THSD7B: variants seen among roughly 807,000 people sequenced by gnomAD.
The protein encoded by THSD7B is thrombospondin type-1 domain-containing protein 7B.
A neutral mutation model predicts 213.6 loss-of-function variants in THSD7B; 138 were observed. The ratio of observed to expected loss-of-function variants is 0.65; its 90% confidence interval spans 0.56 to 0.74. The LOEUF (loss-of-function observed/expected upper bound fraction) is 0.74, where lower values mean the gene tolerates loss of function less well. THSD7B is among the 30% of genes least tolerant of loss of function. THSD7B has a pLI of 0.00. For missense variants in THSD7B, 1,931 were observed against 1,991.5 expected (o/e 0.97, Z 0.58); for synonymous variants, 742 against 687.0 (o/e 1.08, Z -1.25).
chr2:137,035,031 G>A (rs1686750182), intron 2 of THSD7B, among the ~76,000 whole-genome samples: 2 of 152,168 alleles, frequency 1.3e-5, no homozygotes, highest in African/African-American at 4.8e-5. Flanking sequence ...TTCCACAATG[G>A]TTCTTTCTTA....
At chr2:137,526,051 C>G (rs1680271795) in intron 15 of THSD7B, among the ~76,000 whole-genome samples, 1 of 152,064 alleles carries the variant, frequency 6.6e-6, no homozygotes, top group African/African-American at 2.4e-5. Flanking sequence ...AGGCTGACAG[C>G]CACTTGGTTT....
chr2:137,526,907 C>T (rs1680291131), intron 15 of THSD7B, among the ~76,000 whole-genome samples: 1 of 152,052 alleles, frequency 6.6e-6, no homozygotes. Flanking sequence ...CTCAAGAGAA[C>T]ATAAAATATC....
intron 2 of THSD7B, among the ~76,000 whole-genome samples, chr2:136,915,220 T>G (rs2105027968): frequency 6.6e-6 from 1 of 152,308 alleles, no homozygotes; most frequent in Admixed American, 6.5e-5. Flanking sequence ...ACATTTGCTC[T>G]GAAATGAGTT....
intron 2 of THSD7B, among the ~76,000 whole-genome samples, chr2:136,894,613 G>A (rs1268034098): frequency 6.6e-6 from 1 of 152,130 alleles, no homozygotes; most frequent in Admixed American, 6.5e-5. Context: ...TATAAAGCAT[G>A]TAACTAATGC....
intron 7 of THSD7B, among the ~76,000 whole-genome samples, chr2:137,196,165 G>C (rs1422934652): frequency 2.0e-5 from 3 of 152,114 alleles, no homozygotes; most frequent in African/African-American, 7.2e-5. Flanking sequence ...AAATCAAAGA[G>C]AGACTTCTAA....
In THSD7B at chr2:137,056,724, G is replaced by T. The variant is rs753908818; in HGVS notation, c.444G>T (p.Lys148Asn). 6.2e-7 allele frequency: 1 copy of T among 1,613,984 alleles called. No individual in the cohort carries two copies. Among genetic ancestry groups the T allele is most frequent in the Non-Finnish European group, 8.5e-7 (1 of 1,179,886 alleles). Residue 148 changes from lysine (K) to asparagine (N), a missense_variant, in exon 3 of 28, where the codon AAG (lysine) becomes AAT (asparagine). By Grantham distance (94) the Lys-to-Asn change is moderately conservative. Transcript: ENST00000409968. ...ACCGGATGGTGCGCTGCATTCAGAA[G>T]CTGAACCGAACTGTGGTTGCAAATG... ...LQHRMVRCIQ[K>N]LNRTVVANEI...
chr2:137,275,780 G>C, intron 11 of THSD7B, 143 bp from the exon 12 acceptor site: 1 of 589,266 alleles, frequency 1.7e-6, no homozygotes, highest in South Asian at 2.4e-5. Context: ...TGCTTGCCAA[G>C]GCTTGGTTTT....
At chr2:137,404,869 G>T in intron 12 of THSD7B, among the ~76,000 whole-genome samples, 1 of 151,912 alleles carries the variant, frequency 6.6e-6, no homozygotes, top group Middle Eastern at 3.4e-3. Flanking sequence ...CAGTGGGAGG[G>T]GGGTGAGGGA....
chr2:136,896,638 T>C (rs950167819), intron 2 of THSD7B, among the ~76,000 whole-genome samples: 1 of 152,126 alleles, frequency 6.6e-6, no homozygotes, highest in Admixed American at 6.6e-5. Flanking sequence ...AGTCTCAAGA[T>C]TTTCTCCTAT....
rs116484264 is a variant in THSD7B, at chr2:137,294,615, G to A, written c.2500+18589G>A. Reference sequence around the variant, plus strand: ...AAAAAAAAAAAAAAAGAAAGGGAGAGAGACCACATTCATATAATTTTATTA... The same window carrying A: ...AAAAAAAAAAAAAAAGAAAGGGAGAAAGACCACATTCATATAATTTTATTA... On this transcript the variant is annotated intron_variant, in intron 12 of 27. Coordinates refer to ENST00000409968, the MANE Select transcript of THSD7B (RefSeq NM_001316349.2). Among the ~76,000 whole-genome samples, 1,105 of 144,256 alleles carry A rather than the reference G, an allele frequency of 7.7e-3. 18 individuals carry two copies. The highest frequency in any genetic ancestry group is 0.029 in the African/African-American group (1,064 of 36,854). The allele number at this position is 144,256 out of a possible 152,430, so 94.6% of individuals were successfully genotyped here. A position where few individuals can be genotyped will look rare whatever the true frequency, so the allele number is the denominator to read the frequency against.
Position 137,182,702 on chromosome 2 carries a change from C to T in THSD7B, c.1723+11764C>T, listed in dbSNP as rs144064278. 4.4e-3 allele frequency among the ~76,000 whole-genome samples: 676 copies of T among 152,192 alleles called. 6 individuals carry two copies. The highest frequency in any genetic ancestry group is 0.013 in the African/African-American group (525 of 41,538). ...GCACCCTGAAAATTATACTGATGAC[C>T]GGATTCCCAGATTGTCTCCTTCCTG... On this transcript the variant is annotated intron_variant, in intron 7 of 27. Coordinates refer to ENST00000409968, the MANE Select transcript of THSD7B (RefSeq NM_001316349.2).
chr2:136,916,472 T>C (rs1436678113), intron 2 of THSD7B, among the ~76,000 whole-genome samples: 1 of 152,200 alleles, frequency 6.6e-6, no homozygotes, highest in Non-Finnish European at 1.5e-5. Context: ...GTTAGCCCTG[T>C]AACACAAGTG....
chr2:136,833,913 A>G lies in THSD7B; in HGVS notation c.-35-48231A>G, dbSNP rs1457004254. Among the ~76,000 whole-genome samples, 5 of 152,222 alleles carry G rather than the reference A, an allele frequency of 3.3e-5. No individual in the cohort carries two copies. The East Asian group carries it at 9.6e-4, about 29-fold the overall frequency. ...TATTCACTAAAAGTTTCACTCATCT[A>G]AAATGCATGGCATGGCCTCCAAATC... On this transcript the variant is annotated intron_variant, in intron 1 of 27. Transcript: ENST00000409968.
At chr2:136,777,055 G>T (rs1176667352) in intron 1 of THSD7B, among the ~76,000 whole-genome samples, 1 of 152,120 alleles carries the variant, frequency 6.6e-6, no homozygotes. Flanking sequence ...CAACAAATGA[G>T]ATAATTACAA....
In THSD7B at chr2:136,882,129, C is replaced by T. The variant is rs1406476010; in HGVS notation, c.-35-15C>T. ...TACAGAAGAAACTTACCTGATTTTT[C>T]TTTTTCTCTTTTAGGAATAGGCAAG... On this transcript the variant is annotated splice_polypyrimidine_tract_variant and intron_variant, in intron 1 of 27. Coordinates refer to ENST00000409968, the MANE Select transcript of THSD7B (RefSeq NM_001316349.2). 6 of 1,424,120 alleles carry T rather than the reference C, an allele frequency of 4.2e-6. No homozygotes were observed. The highest frequency in any genetic ancestry group is 3.2e-5 in the Admixed American group (1 of 30,984). 88.2% of individuals were successfully genotyped at this position (1,424,120 alleles called of 1,614,324 possible). A position where few individuals can be genotyped will look rare whatever the true frequency, so the allele number is the denominator to read the frequency against.
chr2:137,005,965 T>C (rs183454471), intron 2 of THSD7B, among the ~76,000 whole-genome samples: 2 of 152,288 alleles, frequency 1.3e-5, no homozygotes, highest in Admixed American at 1.3e-4. Flanking sequence ...TTATATCTTT[T>C]CAAATTATCA....
chr2:137,648,415 A>G, intron 21 of THSD7B, among the ~76,000 whole-genome samples: 1 of 152,112 alleles, frequency 6.6e-6, no homozygotes, highest in East Asian at 1.9e-4. Context: ...GGTAACTACC[A>G]ATCTTAACTC....
intron 12 of THSD7B, among the ~76,000 whole-genome samples, chr2:137,311,510 C>G (rs1238884986): frequency 2.6e-5 from 4 of 152,080 alleles, no homozygotes; most frequent in African/African-American, 9.7e-5. Context: ...CTTCTCCTCC[C>G]TAATTGCCCT....
chr2:137,183,934 G>A (rs1251082354), intron 7 of THSD7B, among the ~76,000 whole-genome samples: 5 of 152,022 alleles, frequency 3.3e-5, no homozygotes, highest in East Asian at 1.9e-4. Context: ...GTTCTCTAGC[G>A]GTTTTGATTA....
Sources: allele counts gnomAD v4.1 joint callset (sites outside exome capture counted in the v4.1 genomes callset), GRCh38; gene constraint gnomAD v4.1.1; transcripts MANE v1.5; gene names NCBI Gene and HGNC (gene_info 2026-07-23, HGNC 2026-07-21).